PNPLA1: variants seen among roughly 807,000 people sequenced by gnomAD.
PNPLA1 encodes the protein patatin like domain 1, omega-hydroxyceramide transacylase.
In PNPLA1, 36 loss-of-function variants were observed where a neutral mutation model predicts 51.7. That is an observed-to-expected ratio of 0.70 (90% CI 0.53 to 0.92). The LOEUF is 0.92. Ranked by LOEUF, PNPLA1 falls within the 40% of genes least tolerant of loss-of-function variation. The pLI is 0.00. For synonymous variants in PNPLA1, 293 were observed against 280.1 expected (o/e 1.05, Z -0.46); for missense variants, 658 against 682.5 (o/e 0.96, Z 0.40).
chr6:36,302,211 G>C lies in PNPLA1; in HGVS notation c.1126G>C (p.Ala376Pro). 1.2e-6 allele frequency: 2 copies of C among 1,613,326 alleles called. No individual in the cohort carries two copies. Among genetic ancestry groups the C allele is most frequent in the Non-Finnish European group, 1.7e-6 (2 of 1,179,768 alleles). The change falls in exon 6 of 9, where the codon GCT (alanine) becomes CCT (proline). Residue 376 changes from alanine to proline, a missense_variant. Ala to Pro is a conservative substitution (Grantham distance 27). Coordinates refer to ENST00000636260, the MANE Select transcript of PNPLA1 (RefSeq NM_001374623.1). The part of the protein sequence containing the change: ...LSGMPPVSFP[A>P]VHKPPSSTPG... ...TGGCATGCCACCTGTATCATTCCCA[G>C]CTGTGCACAAGCCACCCAGCTCCAC...
At chr6:36,282,936 G>C (rs1408836645) in intron 1 of PNPLA1, among the ~76,000 whole-genome samples, 6 of 152,084 alleles carry the variant, frequency 3.9e-5, no homozygotes, top group African/African-American at 1.4e-4. Context: ...GCCCACCTTG[G>C]CCTCCCAAAG....
chr6:36,305,878 C>T (rs1771217559), intron 6 of PNPLA1, among the ~76,000 whole-genome samples: 1 of 150,828 alleles, frequency 6.6e-6, no homozygotes, highest in Admixed American at 6.6e-5. Context: ...CTCAGCCTCC[C>T]GAGTAGCTGA....
upstream of PNPLA1, among the ~76,000 whole-genome samples, chr6:36,266,038 G>A (rs1769751322): frequency 6.6e-6 from 1 of 152,208 alleles, no homozygotes; most frequent in Non-Finnish European, 1.5e-5. Context: ...AAAGTCAGCT[G>A]CCAAGAAAGT....
chr6:36,274,324 T>G (rs2127326356), intron 1 of PNPLA1, among the ~76,000 whole-genome samples: 1 of 152,254 alleles, frequency 6.6e-6, no homozygotes, highest in South Asian at 2.1e-4. Flanking sequence ...AACAATGCGA[T>G]GTTAAGGGGT....
At chr6:36,254,039 G>A (rs1256542719) in intron 1 of PNPLA1, among the ~76,000 whole-genome samples, 2 of 152,024 alleles carry the variant, frequency 1.3e-5, no homozygotes, top group Non-Finnish European at 1.5e-5. Context: ...TGTTAACTGA[G>A]CTAGAAAGCA....
chr6:36,297,536 G>A (rs990835806), intron 5 of PNPLA1, among the ~76,000 whole-genome samples: 6 of 152,132 alleles, frequency 3.9e-5, no homozygotes, highest in African/African-American at 1.2e-4. Flanking sequence ...CCATTCCTCA[G>A]CTCACATTCT....
In PNPLA1 at chr6:36,313,315, C is replaced by T. The variant is rs1323948723; in HGVS notation, c.*1429C>T. The stretch of plus-strand genomic sequence containing the variant: ...CCAGAAAATAATTGCCCCCCTCCTC[C>T]CCAGAGAGCAGACAACCTCCAGGTC... On this transcript the variant is annotated 3_prime_UTR_variant, in exon 9 of 9. Coordinates refer to ENST00000636260, the MANE Select transcript of PNPLA1 (RefSeq NM_001374623.1). Among the ~76,000 whole-genome samples the T allele has an allele frequency of 6.6e-6, 1 of 152,190 alleles. No individual in the cohort carries two copies. Among genetic ancestry groups the T allele is most frequent in the Non-Finnish European group, 1.5e-5 (1 of 68,032 alleles).
At chr6:36,292,747 C>T (rs1003082547) in intron 2 of PNPLA1, among the ~76,000 whole-genome samples, 1 of 152,158 alleles carries the variant, frequency 6.6e-6, no homozygotes, top group African/African-American at 2.4e-5. Flanking sequence ...CCAGGGCTGA[C>T]ACACATTAAT....
At chr6:36,291,580 A>ACC in intron 2 of PNPLA1, 28 bp downstream of exon 2, 3 of 225,794 alleles carry the variant, frequency 1.3e-5, no homozygotes, top group Non-Finnish European at 2.7e-5. Flanking sequence ...GGAGGGAGGG[A>ACC]CACGGAGGGG....
At chr6:36,282,558 C>T (rs1317118666) in intron 1 of PNPLA1, among the ~76,000 whole-genome samples, 1 of 152,214 alleles carries the variant, frequency 6.6e-6, no homozygotes, top group African/African-American at 2.4e-5. Context: ...ATTTGGAAAG[C>T]AACTCATGTA....
intron 1 of PNPLA1, among the ~76,000 whole-genome samples, chr6:36,287,433 A>T (rs1220451473): frequency 6.6e-6 from 1 of 152,126 alleles, no homozygotes; most frequent in African/African-American, 2.4e-5. Context: ...CCTGATCAGG[A>T]CACATTGGGT....
At position 36,270,284 on chromosome 6, in the gene PNPLA1, G is replaced by C. The variant is rs1369709178; in HGVS notation, c.-176G>C. 6.6e-6 allele frequency among the ~76,000 whole-genome samples: 1 copy of C among 152,236 alleles called. No homozygotes were observed. Among genetic ancestry groups the C allele is most frequent in the African/African-American group, 2.4e-5 (1 of 41,456 alleles). ...CTCCTGGCGGAGCTTAACAGGCTGA[G>C]GCAGCTTCCTGAGCAGCCTGTGGTT... On this transcript the variant is annotated 5_prime_UTR_variant, in exon 1 of 9. Transcript: ENST00000636260.
chr6:36,275,007 T>A (rs561469716), intron 1 of PNPLA1, among the ~76,000 whole-genome samples: 1 of 152,370 alleles, frequency 6.6e-6, no homozygotes, highest in Non-Finnish European at 1.5e-5. Flanking sequence ...TTTGCTTCGA[T>A]GTCTTTTGTT....
At chr6:36,307,740 C>T in intron 8 of PNPLA1, 28 bp downstream of exon 8, 1 of 1,611,878 alleles carries the variant, frequency 6.2e-7, no homozygotes, top group African/African-American at 1.3e-5. Context: ...TCCTTAAATC[C>T]CACGGAGAGG....
At chr6:36,285,089 A>G (rs1292490216) in intron 1 of PNPLA1, among the ~76,000 whole-genome samples, 11 of 152,230 alleles carry the variant, frequency 7.2e-5, no homozygotes, top group Admixed American at 7.2e-4. Context: ...TGTTAAGATG[A>G]TAACAATTAT....
intron 5 of PNPLA1, among the ~76,000 whole-genome samples, chr6:36,300,291 T>G (rs368988563): frequency 8.6e-5 from 13 of 150,490 alleles, no homozygotes; most frequent in African/African-American, 2.2e-4. Context: ...ACCTCCCGGG[T>G]TCATGCCATT....
At chr6:36,252,799 A>G (rs908782381) in intron 1 of PNPLA1, among the ~76,000 whole-genome samples, 12 of 152,258 alleles carry the variant, frequency 7.9e-5, no homozygotes, top group Non-Finnish European at 1.5e-4. Flanking sequence ...ATCTTAGACC[A>G]AATGTTACAG....
chr6:36,252,667 G>A (rs1042280762), intron 1 of PNPLA1, among the ~76,000 whole-genome samples: 2 of 152,154 alleles, frequency 1.3e-5, no homozygotes, highest in African/African-American at 4.8e-5. Context: ...TCGGAGTTGT[G>A]AAAGGAGGGC....
intron 1 of PNPLA1, among the ~76,000 whole-genome samples, chr6:36,260,129 C>CA (rs759009805): frequency 1.3e-5 from 2 of 151,908 alleles, no homozygotes; most frequent in Non-Finnish European, 2.9e-5. Context: ...CCCATCTCTA[C>CA]AAAAAATTAA....
Sources: gnomAD v4.1 joint callset for allele counts (sites outside exome capture counted in the v4.1 genomes callset) on GRCh38, gnomAD v4.1.1 for gene constraint, MANE v1.5 for transcripts, NCBI Gene and HGNC (gene_info 2026-07-23, HGNC 2026-07-21) for gene names.